TMEM106B: variants seen among roughly 807,000 people sequenced by gnomAD.
The protein encoded by TMEM106B is transmembrane protein 106B.
TMEM106B carries 15 observed loss-of-function variants against 31.1 expected under a neutral mutation model. That is an observed-to-expected ratio of 0.48 (90% CI 0.32 to 0.74). TMEM106B has a LOEUF of 0.74. Among genes scored for constraint, TMEM106B ranks in the 30% least tolerant of loss-of-function variants. TMEM106B has a pLI of 0.03. For missense variants in TMEM106B, 283 were observed against 327.3 expected (o/e 0.86, Z 1.04); for synonymous variants, 126 against 112.5 (o/e 1.12, Z -0.76).
At chr7:12,220,572 TAGATG>T (rs1781768367) in intron 3 of TMEM106B, among the ~76,000 whole-genome samples, 1 of 152,196 alleles carries the variant, frequency 6.6e-6, no homozygotes, top group Admixed American at 6.5e-5. Context: ...AAGCTACACT[TAGATG>T]CCATTTCTAT....
At chr7:12,213,389 G>A (rs936609047) in intron 1 of TMEM106B, among the ~76,000 whole-genome samples, 1 of 152,192 alleles carries the variant, frequency 6.6e-6, no homozygotes, top group African/African-American at 2.4e-5. Context: ...GAAAAGAGTG[G>A]TGATTGTATT....
intron 1 of TMEM106B, among the ~76,000 whole-genome samples, chr7:12,213,756 A>G (rs1342607219): frequency 1.3e-5 from 2 of 152,224 alleles, no homozygotes; most frequent in African/African-American, 4.8e-5. Context: ...TCCTAATCCA[A>G]AAGGTATAAT....
intron 1 of TMEM106B, among the ~76,000 whole-genome samples, chr7:12,212,611 ATTTAT>A (rs1241087519): frequency 6.6e-6 from 1 of 151,590 alleles, no homozygotes; most frequent in Non-Finnish European, 1.5e-5. Context: ...TGCGAATTTT[ATTTAT>A]TTTTTTATCT....
At position 12,243,353 on chromosome 7, in the gene TMEM106B, A is replaced by G. The variant is rs1486906123; in HGVS notation, c.*11378A>G. ...TGTATCATTCTCATGGAAATAAAAG[A>G]TAATTTGAAAAGCATGTTGTGCTAT... On this transcript the variant is annotated 3_prime_UTR_variant, in exon 8 of 8. Coordinates refer to ENST00000396668, the MANE Select transcript of TMEM106B (RefSeq NM_001134232.2). 6.6e-6 allele frequency: 1 copy of G among 152,150 alleles called. No homozygotes were observed. The highest frequency in any genetic ancestry group is 1.5e-5 in the Non-Finnish European group (1 of 67,988). 9.4% of individuals were successfully genotyped at this position (152,150 alleles called of 1,614,324 possible).
chr7:12,213,110 T>C (rs917599211), intron 1 of TMEM106B, among the ~76,000 whole-genome samples: 2 of 152,222 alleles, frequency 1.3e-5, no homozygotes, highest in African/African-American at 4.8e-5. Context: ...GAAGTTATTT[T>C]TGTGTAGGCA....
chr7:12,218,324 G>T, intron 2 of TMEM106B, 134 bp from the exon 3 acceptor site: 1 of 551,830 alleles, frequency 1.8e-6, no homozygotes, highest in South Asian at 3.3e-5. Context: ...ACTTTCTGAA[G>T]ACTTAGCAAT....
chr7:12,231,134 T>G lies in TMEM106B; in HGVS notation c.686+19T>G, dbSNP rs1782012916. ...TGATGCAGTAAGTACAAATCTTTTT[T>G]GAAAGAGATTTTGCTTGTTAACATT... is the stretch of plus-strand genomic sequence containing the variant. On this transcript the variant is annotated intron_variant, in intron 7 of 7. Transcript: ENST00000396668. 1 of 1,574,946 alleles carries G rather than the reference T, an allele frequency of 6.3e-7. No homozygotes were observed. The highest frequency in any genetic ancestry group is 1.1e-5 in the South Asian group (1 of 87,546).
In TMEM106B at chr7:12,235,611, T is replaced by C. The variant is rs1304851631; in HGVS notation, c.*3636T>C. The C allele has an allele frequency of 6.6e-6, 1 of 151,828 alleles. No homozygotes were observed. Among genetic ancestry groups the C allele is most frequent in the Non-Finnish European group, 1.5e-5 (1 of 67,810 alleles). The allele number at this position is 151,828 out of a possible 1,614,324, so 9.4% of individuals were successfully genotyped here. A position where few individuals can be genotyped will look rare whatever the true frequency, so the allele number is the denominator to read the frequency against. On this transcript the variant is annotated 3_prime_UTR_variant, in exon 8 of 8. Transcript: ENST00000396668. ...TCCTTCATGGTTCTTAGCCTTATTA[T>C]TGTGATATAATTCTAGATATTTTCT...
In TMEM106B at chr7:12,231,999, GAAGA is replaced by G; in HGVS notation, c.*27_*30del. 1 of 1,603,846 alleles carries G rather than the reference GAAGA, an allele frequency of 6.2e-7. No individual in the cohort carries two copies. Among genetic ancestry groups the G allele is most frequent in the Non-Finnish European group, 8.5e-7 (1 of 1,172,992 alleles). Reference sequence around the variant, plus strand: ...AAAAACTGGAAGAGATGGATTTAAAGAAGAAATATCTATTGATATTTCCTATACT... The same window carrying G: ...AAAAACTGGAAGAGATGGATTTAAAGAATATCTATTGATATTTCCTATACT... On this transcript the variant is annotated 3_prime_UTR_variant, in exon 8 of 8. Transcript: ENST00000396668.
In TMEM106B at chr7:12,236,943, T is replaced by A. The variant is rs1311657924; in HGVS notation, c.*4968T>A. 6.6e-6 allele frequency: 1 copy of A among 152,054 alleles called. No homozygotes were observed. Among genetic ancestry groups the A allele is most frequent in the South Asian group, 2.1e-4 (1 of 4,832 alleles). The allele number at this position is 152,054 out of a possible 1,614,324, so 9.4% of individuals were successfully genotyped here. ...TGGTCAGATATTTGAATGATGGTAT[T>A]ACCTAGATTCTAATCCTTGATTCTA... On this transcript the variant is annotated 3_prime_UTR_variant, in exon 8 of 8. Coordinates refer to ENST00000396668, the MANE Select transcript of TMEM106B (RefSeq NM_001134232.2).
intron 3 of TMEM106B, among the ~76,000 whole-genome samples, chr7:12,219,504 A>T (rs1781747430): frequency 1.3e-5 from 2 of 152,230 alleles, no homozygotes; most frequent in South Asian, 4.1e-4. Context: ...TGAAGAAAGT[A>T]AGCTAAGCAA....
chr7:12,223,376 CA>C (rs55635711), intron 3 of TMEM106B, among the ~76,000 whole-genome samples: 25,408 of 151,812 alleles, frequency 0.17, 2,412 homozygotes, highest in Non-Finnish European at 0.22. Context: ...GGAGGATGTG[CA>C]GGTTTGTTAC....
Position 12,235,861 on chromosome 7 carries a change from C to A in TMEM106B, c.*3886C>A, listed in dbSNP as rs887607385. 30 of 151,746 alleles carry A rather than the reference C, an allele frequency of 2.0e-4. No individual in the cohort carries two copies. Among genetic ancestry groups the A allele is most frequent in the African/African-American group, 7.2e-4 (30 of 41,478 alleles). The allele number at this position is 151,746 out of a possible 1,614,324, so 9.4% of individuals were successfully genotyped here. ...GGGTTATAAGCAAAAGGTTGCTTAC[C>A]ATAATGTCATTAGGTCACGATTTTT... On this transcript the variant is annotated 3_prime_UTR_variant, in exon 8 of 8. Transcript: ENST00000396668.
rs554541731 is a variant in TMEM106B at position 12,240,832 on chromosome 7, C to G, written c.*8857C>G. 108 of 152,280 alleles carry G rather than the reference C, an allele frequency of 7.1e-4. No homozygotes were observed. The highest frequency in any genetic ancestry group is 2.6e-3 in the African/African-American group (108 of 41,538). 9.4% of individuals were successfully genotyped at this position (152,280 alleles called of 1,614,324 possible). On this transcript the variant is annotated 3_prime_UTR_variant, in exon 8 of 8. Coordinates refer to ENST00000396668, the MANE Select transcript of TMEM106B (RefSeq NM_001134232.2). Reference sequence around the variant, plus strand: ...AGAGCAGAAGACCTGCAGCCCCTGACTGCTCACCTTTCCAGGGACCCCTGA... The same window carrying G: ...AGAGCAGAAGACCTGCAGCCCCTGAGTGCTCACCTTTCCAGGGACCCCTGA...
rs1481292598 is a variant in TMEM106B, at chr7:12,234,520, A to T, written c.*2545A>T. ...ACACATTCAGGTGAAGCAGAAGTAT[A>T]GCCATAAAACATCTAGAAAGAGTGA... On this transcript the variant is annotated 3_prime_UTR_variant, in exon 8 of 8. Transcript: ENST00000396668. The T allele has an allele frequency of 6.6e-6, 1 of 151,932 alleles. No homozygotes were observed. The highest frequency in any genetic ancestry group is 1.5e-5 in the Non-Finnish European group (1 of 67,808). The allele number at this position is 151,932 out of a possible 1,614,324, so 9.4% of individuals were successfully genotyped here.
At chr7:12,222,749 T>G (rs2128525639) in intron 3 of TMEM106B, among the ~76,000 whole-genome samples, 2 of 152,324 alleles carry the variant, frequency 1.3e-5, no homozygotes, top group East Asian at 3.9e-4. Context: ...CAGCATGGAC[T>G]TAGTAGCAGT....
In TMEM106B at chr7:12,234,198, G is replaced by C. The variant is rs1438573796; in HGVS notation, c.*2223G>C. 1 of 151,762 alleles carries C rather than the reference G, an allele frequency of 6.6e-6. No individual in the cohort carries two copies. The highest frequency in any genetic ancestry group is 1.5e-5 in the Non-Finnish European group (1 of 67,754). 9.4% of individuals were successfully genotyped at this position (151,762 alleles called of 1,614,324 possible). A position where few individuals can be genotyped will look rare whatever the true frequency, so the allele number is the denominator to read the frequency against. On this transcript the variant is annotated 3_prime_UTR_variant, in exon 8 of 8. Coordinates refer to ENST00000396668, the MANE Select transcript of TMEM106B (RefSeq NM_001134232.2). Reference sequence around the variant, plus strand: ...TGTAAATTAAACAGATTTTTCTGATGATCTGTGCTTCTTATATACTATTAG... The same window carrying C: ...TGTAAATTAAACAGATTTTTCTGATCATCTGTGCTTCTTATATACTATTAG...
At chr7:12,219,483 T>G (rs534447728) in intron 3 of TMEM106B, among the ~76,000 whole-genome samples, 1 of 152,284 alleles carries the variant, frequency 6.6e-6, no homozygotes, top group African/African-American at 2.4e-5. Context: ...CAAATATACT[T>G]TTTAAGAAGT....
chr7:12,213,261 G>A (rs1781615944), intron 1 of TMEM106B, among the ~76,000 whole-genome samples: 2 of 117,986 alleles, frequency 1.7e-5, no homozygotes, highest in Admixed American at 1.8e-4. Context: ...TTGGAACATT[G>A]GCTTCATAAT....
Sources: gnomAD v4.1 joint callset for allele counts (sites outside exome capture counted in the v4.1 genomes callset) on GRCh38, gnomAD v4.1.1 for gene constraint, MANE v1.5 for transcripts, NCBI Gene and HGNC (gene_info 2026-07-23, HGNC 2026-07-21) for gene names.